The following EBF4 variants were observed in gnomAD, a reference collection of about 807,000 sequenced individuals.
EBF4 encodes EBF transcription factor 4, also known as transcription factor COE4.
EBF4 carries 34 observed loss-of-function variants against 67.1 expected under a neutral mutation model. That is an observed-to-expected ratio of 0.51 (90% CI 0.39 to 0.67). EBF4 has a LOEUF of 0.67. Ranked by LOEUF, EBF4 falls within the 30% of genes least tolerant of loss-of-function variation. The pLI is 0.00. For missense variants in EBF4, 837 were observed against 873.3 expected (o/e 0.96, Z 0.52); for synonymous variants, 387 against 377.7 (o/e 1.02, Z -0.29).
At chr20:2,736,667 C>G (rs2087881115) in intron 6 of EBF4, among the ~76,000 whole-genome samples, 1 of 152,218 alleles carries the variant, frequency 6.6e-6, no homozygotes, top group African/African-American at 2.4e-5. Context: ...AGGTTTCCCT[C>G]TTGCCACCTG....
downstream of EBF4, chr20:2,759,651 G>C (rs2088296858): frequency 6.5e-6 from 1 of 152,774 alleles, no homozygotes; most frequent in Middle Eastern, 3.4e-3. Flanking sequence ...GACAGCTCAG[G>C]GAGAAGTGAC....
chr20:2,722,046 G>C (rs904087798), intron 6 of EBF4, among the ~76,000 whole-genome samples: 3 of 152,072 alleles, frequency 2.0e-5, no homozygotes, highest in African/African-American at 7.2e-5. Flanking sequence ...GTCTTTTTGA[G>C]CCTTGGTCTT....
At chr20:2,750,047 C>A in intron 10 of EBF4, 74 bp downstream of exon 10, 1 of 1,473,398 alleles carries the variant, frequency 6.8e-7, no homozygotes, top group Non-Finnish European at 9.0e-7. Flanking sequence ...GGTCTCCGTT[C>A]TTGGTGATAG....
At chr20:2,715,547 T>C (rs1480409721) in intron 6 of EBF4, among the ~76,000 whole-genome samples, 1 of 152,166 alleles carries the variant, frequency 6.6e-6, no homozygotes, top group Non-Finnish European at 1.5e-5. Context: ...TGTCAACTGT[T>C]TTCCAAGGTG....
chr20:2,701,348 C>G (rs778508972), intron 1 of EBF4, among the ~76,000 whole-genome samples: 1 of 152,218 alleles, frequency 6.6e-6, no homozygotes, highest in Non-Finnish European at 1.5e-5. Context: ...CCAGAGACCC[C>G]AGGGGAACCT....
At chr20:2,697,210 G>A (rs1028733568) in intron 1 of EBF4, among the ~76,000 whole-genome samples, 1 of 152,146 alleles carries the variant, frequency 6.6e-6, no homozygotes, top group Non-Finnish European at 1.5e-5. Context: ...TAAGATCAGC[G>A]AGGGAGGCTC....
At chr20:2,735,960 A>G (rs979583043) in intron 6 of EBF4, among the ~76,000 whole-genome samples, 1 of 152,252 alleles carries the variant, frequency 6.6e-6, no homozygotes, top group Admixed American at 6.5e-5. Context: ...ACTTTCTGCA[A>G]TGATGAAAAT....
intron 6 of EBF4, among the ~76,000 whole-genome samples, chr20:2,716,549 C>A (rs901658060): frequency 8.1e-5 from 12 of 147,374 alleles, no homozygotes; most frequent in Admixed American, 4.7e-4. Flanking sequence ...AAAAAAAATT[C>A]TTTTTCTCTG....
Position 2,751,771 on chromosome 20 carries a change from C to T in EBF4, c.1090C>T (p.Pro364Ser). 1 of 1,550,374 alleles carries T rather than the reference C, an allele frequency of 6.5e-7. No homozygotes were observed. Among genetic ancestry groups the T allele is most frequent in the Non-Finnish European group, 8.7e-7 (1 of 1,146,802 alleles). ...AGTCATTCCCAGACACCCCGGAGAC[C>T]CCGAGAGGCTGCCCAAGGTACTCAG... Residue 364 changes from proline to serine, a missense_variant, in exon 11 of 17, where the codon CCC becomes TCC. Pro to Ser is a moderately conservative substitution (Grantham distance 74). This residue lies in a region of EBF4 where 525 missense variants were observed against 496.5 expected (regional missense o/e 1.06). Coordinates refer to ENST00000609451, the Ensembl canonical transcript of EBF4. The surrounding 1 kb of genome is among the most constrained non-coding windows in gnomAD (Gnocchi z 5.2).
In EBF4 at chr20:2,755,617, C is replaced by CCCCCCCCCGGGCAG; in HGVS notation, c.1541-10_1541-9insCCCCCCCCGGGCAG. On this transcript the variant is annotated splice_polypyrimidine_tract_variant and intron_variant, in intron 14 of 16. Transcript: ENST00000609451. This position sits in a 1 kb window ranked among gnomAD's most constrained non-coding sequence, Gnocchi z 4.7. ...CTGCTGCGCCTGCCCCTCCCCGCCC[C>CCCCCCCCCGGGCAG]GCCCCGGAGTCATGCCCTCTAGCCC... 1 of 1,373,128 alleles carries CCCCCCCCCGGGCAG rather than the reference C, an allele frequency of 7.3e-7. No homozygotes were observed. Among genetic ancestry groups the CCCCCCCCCGGGCAG allele is most frequent in the Non-Finnish European group, 1.0e-6 (1 of 991,114 alleles). 85.1% of individuals were successfully genotyped at this position (1,373,128 alleles called of 1,614,324 possible).
chr20:2,753,890 T>G (rs1192507644), intron 14 of EBF4, among the ~76,000 whole-genome samples: 1 of 152,020 alleles, frequency 6.6e-6, no homozygotes, highest in Non-Finnish European at 1.5e-5. Flanking sequence ...GGCTCTTTGC[T>G]CAGGCCAGGA....
chr20:2,708,561 AG>A (rs1309287755), intron 5 of EBF4, among the ~76,000 whole-genome samples: 7 of 152,248 alleles, frequency 4.6e-5, no homozygotes, highest in East Asian at 3.9e-4. Context: ...AAAAGAGAAC[AG>A]GGTTCTGAAA....
In EBF4 at chr20:2,751,802, C is replaced by T; in HGVS notation, c.1107+14C>T. The T allele has an allele frequency of 2.1e-6, 1 of 469,860 alleles. No homozygotes were observed. Among genetic ancestry groups the T allele is most frequent in the Non-Finnish European group, 4.2e-6 (1 of 237,420 alleles). The allele number at this position is 469,860 out of a possible 1,614,324, so 29.1% of individuals were successfully genotyped here. ...AGGCTGCCCAAGGTACTCAGAGGGG[C>T]GGGGCGGGGCGGGGCTGAGGGTGTC... On this transcript the variant is annotated intron_variant, in intron 11 of 16. Transcript: ENST00000609451. The surrounding 1 kb of genome is among the most constrained non-coding windows in gnomAD (Gnocchi z 5.2).
exon 17 of EBF4, chr20:2,759,393 G>A (rs568065184): frequency 2.8e-5 from 6 of 213,468 alleles, no homozygotes; most frequent in South Asian, 8.4e-5. Context: ...TGAGCTGAAC[G>A]GGGAGAGGCC....
chr20:2,702,219 A>G (rs1162227293), intron 1 of EBF4, among the ~76,000 whole-genome samples: 1 of 152,094 alleles, frequency 6.6e-6, no homozygotes, highest in Non-Finnish European at 1.5e-5. Flanking sequence ...GGATCGCTTG[A>G]GCCCAGGAGT....
intron 6 of EBF4, among the ~76,000 whole-genome samples, chr20:2,735,665 C>T (rs1043402547): frequency 1.3e-5 from 2 of 152,194 alleles, no homozygotes; most frequent in Non-Finnish European, 1.5e-5. Context: ...CATCCAGTCA[C>T]AGTAATTTTT....
intron 6 of EBF4, among the ~76,000 whole-genome samples, chr20:2,719,536 G>C (rs560838636): frequency 1.3e-5 from 2 of 152,134 alleles, no homozygotes; most frequent in Non-Finnish European, 2.9e-5. Flanking sequence ...GCCTCCCAAA[G>C]TGCTGGGATT....
At chr20:2,714,283 C>G (rs746829735) in intron 6 of EBF4, among the ~76,000 whole-genome samples, 7 of 151,020 alleles carry the variant, frequency 4.6e-5, no homozygotes, top group Non-Finnish European at 1.0e-4. Context: ...TTTCTCCTTC[C>G]TTCCTTCCTT....
At position 2,707,916 on chromosome 20, in the gene EBF4, C is replaced by T. The variant is rs565237863; in HGVS notation, c.415-31C>T. The stretch of plus-strand genomic sequence containing the variant: ...CCTGCACCTCAGAGGAGCCTCCTTC[C>T]CCTCCAGCCTGTGCACCTCCCTCTC... On this transcript the variant is annotated intron_variant, in intron 4 of 16. Transcript: ENST00000609451. This position sits in a 1 kb window ranked among gnomAD's most constrained non-coding sequence, Gnocchi z 4.6. 17 of 1,555,390 alleles carry T rather than the reference C, an allele frequency of 1.1e-5. No homozygotes were observed. In the East Asian group the frequency reaches 3.5e-4, roughly 32 times the overall value.
Sources: allele counts gnomAD v4.1 joint callset (sites outside exome capture counted in the v4.1 genomes callset), GRCh38; gene constraint gnomAD v4.1.1; regional missense constraint gnomAD v4.1.1; non-coding constraint Gnocchi (gnomAD v3.1); transcripts MANE v1.5; gene names NCBI Gene and HGNC (gene_info 2026-07-23, HGNC 2026-07-21).